Variants in CCNY observed in about 807,000 individuals in gnomAD.
CCNY encodes cyclin Y, also known as cyclin-Y.
A neutral mutation model predicts 42.8 loss-of-function variants in CCNY; 19 were observed. That is an observed-to-expected ratio of 0.44 (90% CI 0.31 to 0.65). CCNY has a LOEUF of 0.65. Among genes scored for constraint, CCNY ranks in the 30% least tolerant of loss-of-function variants. The pLI is 0.07. For missense variants in CCNY, 370 were observed against 437.3 expected (o/e 0.85, Z 1.37); for synonymous variants, 165 against 162.7 (o/e 1.01, Z -0.11).
chr10:35,437,268 A>T (rs958147385), intron 1 of CCNY, among the ~76,000 whole-genome samples: 1 of 152,216 alleles, frequency 6.6e-6, no homozygotes, highest in Non-Finnish European at 1.5e-5. Flanking sequence ...TGAGAGTCTG[A>T]TGTCACATTT....
chr10:35,401,304 G>A (rs1433919748), intron 1 of CCNY, among the ~76,000 whole-genome samples: 1 of 152,212 alleles, frequency 6.6e-6, no homozygotes, highest in African/African-American at 2.4e-5. Flanking sequence ...AGCTGCAGGT[G>A]TGCTCTTTTG....
chr10:35,294,493 T>C (rs1423286379), intron 3 of CCNY, among the ~76,000 whole-genome samples: 1 of 152,252 alleles, frequency 6.6e-6, no homozygotes, highest in Non-Finnish European at 1.5e-5. Context: ...TCAAATGCTT[T>C]TTTTCTACAG....
chr10:35,267,326 A>G (rs905476119), intron 3 of CCNY, among the ~76,000 whole-genome samples: 51 of 149,272 alleles, frequency 3.4e-4, no homozygotes, highest in Non-Finnish European at 6.2e-4. Context: ...AAAAAAAAAA[A>G]GAGGATAATT....
At chr10:35,259,492 G>GTTGT (rs2095717921) in intron 3 of CCNY, among the ~76,000 whole-genome samples, 1 of 112,740 alleles carries the variant, frequency 8.9e-6, no homozygotes, top group Non-Finnish European at 1.8e-5. Flanking sequence ...CCCAGTCCTG[G>GTTGT]TTGTTTTTTT....
chr10:35,302,974 T>C (rs757840156), intron 3 of CCNY, among the ~76,000 whole-genome samples: 1 of 152,138 alleles, frequency 6.6e-6, no homozygotes, highest in Non-Finnish European at 1.5e-5. Context: ...GGCAGGAAGA[T>C]TGCTTGAGGT....
intron 3 of CCNY, among the ~76,000 whole-genome samples, chr10:35,313,818 A>T (rs1265328816): frequency 6.6e-6 from 1 of 151,768 alleles, no homozygotes; most frequent in Non-Finnish European, 1.5e-5. Context: ...ACCAAAAAAG[A>T]TAAAAAAACT....
At chr10:35,452,813 G>A (rs1327684976) in intron 1 of CCNY, among the ~76,000 whole-genome samples, 4 of 147,836 alleles carry the variant, frequency 2.7e-5, no homozygotes, top group Non-Finnish European at 4.5e-5. Context: ...TATTGTGCTT[G>A]TCTCCTACAA....
At chr10:35,473,379 TAA>T (rs1291584726) in intron 1 of CCNY, among the ~76,000 whole-genome samples, 3 of 152,300 alleles carry the variant, frequency 2.0e-5, no homozygotes, top group Admixed American at 6.5e-5. Context: ...CCCAGTAGAG[TAA>T]CTATTTAAAT....
At chr10:35,426,497 G>A (rs990068482) in intron 1 of CCNY, among the ~76,000 whole-genome samples, 1 of 152,142 alleles carries the variant, frequency 6.6e-6, no homozygotes, top group African/African-American at 2.4e-5. Context: ...CATCAATACC[G>A]TCCATGGGGT....
intron 1 of CCNY, among the ~76,000 whole-genome samples, chr10:35,439,721 T>TA (rs1405138454): frequency 9.9e-5 from 15 of 151,980 alleles, no homozygotes; most frequent in African/African-American, 3.1e-4. Context: ...TTTTTTTTTT[T>TA]AATTGAAACC....
intron 1 of CCNY, among the ~76,000 whole-genome samples, chr10:35,363,806 A>G (rs559420497): frequency 1.1e-4 from 16 of 152,254 alleles, no homozygotes; most frequent in African/African-American, 3.9e-4. Flanking sequence ...CAGCAATATA[A>G]TTTTGTGCCT....
chr10:35,368,932 A>G (rs1358636775), intron 1 of CCNY, among the ~76,000 whole-genome samples: 1 of 152,140 alleles, frequency 6.6e-6, no homozygotes, highest in Non-Finnish European at 1.5e-5. Flanking sequence ...TCCACTGCTC[A>G]CTTCTGAGAT....
intron 1 of CCNY, among the ~76,000 whole-genome samples, chr10:35,424,116 T>C (rs899160648): frequency 5.9e-5 from 9 of 152,172 alleles, no homozygotes; most frequent in African/African-American, 2.2e-4. Context: ...GAGGGAGAAG[T>C]TAGTAATCAT....
chr10:35,372,835 C>T (rs1422073036), intron 1 of CCNY, among the ~76,000 whole-genome samples: 1 of 152,004 alleles, frequency 6.6e-6, no homozygotes, highest in African/African-American at 2.4e-5. Flanking sequence ...GAGCAGCTGG[C>T]GTTACAGGCG....
intron 7 of CCNY, among the ~76,000 whole-genome samples, chr10:35,531,944 A>G (rs1268950253): frequency 1.3e-5 from 2 of 152,242 alleles, no homozygotes; most frequent in African/African-American, 4.8e-5. Context: ...TGATGAGTTC[A>G]TTTCTTTGGA....
intron 1 of CCNY, among the ~76,000 whole-genome samples, chr10:35,404,434 G>T (rs1837712564): frequency 6.6e-6 from 1 of 152,146 alleles, no homozygotes; most frequent in Non-Finnish European, 1.5e-5. Context: ...GTGGTGAAAG[G>T]ATTTAGGATC....
At chr10:35,529,666 C>T (rs112391482) in intron 5 of CCNY, among the ~76,000 whole-genome samples, 7,438 of 151,396 alleles carry the variant, frequency 0.049, 522 homozygotes, top group African/African-American at 0.16. Context: ...AGTTCGAGAC[C>T]AGCCTGGCTA....
At chr10:35,396,332 C>G (rs779780398) in intron 1 of CCNY, among the ~76,000 whole-genome samples, 1 of 152,158 alleles carries the variant, frequency 6.6e-6, no homozygotes, top group Non-Finnish European at 1.5e-5. Flanking sequence ...CCAGACAGGC[C>G]GACTGGAGTT....
chr10:35,429,094 A>G (rs1838330342), intron 1 of CCNY, among the ~76,000 whole-genome samples: 1 of 152,220 alleles, frequency 6.6e-6, no homozygotes, highest in Non-Finnish European at 1.5e-5. Flanking sequence ...GAATCTTACC[A>G]GGTCCTAGCA....
Sources: gnomAD v4.1 joint callset for allele counts (sites outside exome capture counted in the v4.1 genomes callset) on GRCh38, gnomAD v4.1.1 for gene constraint, MANE v1.5 for transcripts, NCBI Gene and HGNC (gene_info 2026-07-23, HGNC 2026-07-21) for gene names.